The following PLPPR5 variants were observed in gnomAD, a reference collection of about 807,000 sequenced individuals.
PLPPR5 encodes phospholipid phosphatase-related protein type 5.
A neutral mutation model predicts 33.9 loss-of-function variants in PLPPR5; 16 were observed. That is an observed-to-expected ratio of 0.47 (90% CI 0.32 to 0.72). The LOEUF is 0.72. PLPPR5 is among the 30% of genes least tolerant of loss of function. The pLI is 0.03. For missense variants in PLPPR5, 301 were observed against 406.7 expected (o/e 0.74, Z 2.23); for synonymous variants, 163 against 150.3 (o/e 1.08, Z -0.62).
At chr1:98,993,547 G>A (rs1652531708) in intron 1 of PLPPR5, among the ~76,000 whole-genome samples, 1 of 152,026 alleles carries the variant, frequency 6.6e-6, no homozygotes, top group South Asian at 2.1e-4. Flanking sequence ...ACACTGTGAA[G>A]ACACATGTGA....
chr1:98,999,021 CATT>C (rs1474019630), intron 1 of PLPPR5, among the ~76,000 whole-genome samples: 14 of 152,120 alleles, frequency 9.2e-5, no homozygotes, highest in Admixed American at 9.2e-4. Flanking sequence ...AGATAGGAAT[CATT>C]AATTTCATTC....
chr1:98,950,795 C>T (rs1303479954), intron 3 of PLPPR5, among the ~76,000 whole-genome samples: 2 of 152,118 alleles, frequency 1.3e-5, no homozygotes, highest in African/African-American at 2.4e-5. Flanking sequence ...GAGATTCTCC[C>T]GTCTTGGCCT....
At chr1:98,907,614 A>T (rs2101143192) in intron 5 of PLPPR5, among the ~76,000 whole-genome samples, 1 of 152,328 alleles carries the variant, frequency 6.6e-6, no homozygotes, top group South Asian at 2.1e-4. Context: ...GAAATAGGAC[A>T]GATTTAGCTC....
chr1:98,939,700 G>A (rs1466646360), intron 3 of PLPPR5, among the ~76,000 whole-genome samples: 1 of 151,954 alleles, frequency 6.6e-6, no homozygotes, highest in Non-Finnish European at 1.5e-5. Flanking sequence ...AGTGCAGGTG[G>A]AGGCATGGAG....
intron 1 of PLPPR5, among the ~76,000 whole-genome samples, chr1:98,960,824 G>A (rs1651217248): frequency 6.6e-6 from 1 of 152,078 alleles, no homozygotes; most frequent in African/African-American, 2.4e-5. Context: ...CACACAGATG[G>A]CCCCGGCTGC....
At chr1:98,971,374 A>G (rs1040741138) in intron 1 of PLPPR5, among the ~76,000 whole-genome samples, 4 of 152,084 alleles carry the variant, frequency 2.6e-5, no homozygotes, top group Non-Finnish European at 5.9e-5. Context: ...GTGGTATGTA[A>G]GCTTTCCTAT....
Position 98,893,063 on chromosome 1 carries a change from G to A in PLPPR5, c.*9C>T, listed in dbSNP as rs754781512. On this transcript the variant is annotated 3_prime_UTR_variant, in exon 6 of 6. Coordinates refer to ENST00000263177, the MANE Select transcript of PLPPR5 (RefSeq NM_001037317.2). ...TGTCCAATGCAGTGAAAAACCATCT[G>A]CTTCGATATCATGTGACTTCTGCGA... 2 of 1,610,868 alleles carry A rather than the reference G, an allele frequency of 1.2e-6. No homozygotes were observed. Among genetic ancestry groups the A allele is most frequent in the Non-Finnish European group, 1.7e-6 (2 of 1,178,112 alleles).
At chr1:98,987,287 T>G (rs1353364611) in intron 1 of PLPPR5, among the ~76,000 whole-genome samples, 1 of 151,870 alleles carries the variant, frequency 6.6e-6, no homozygotes, top group Non-Finnish European at 1.5e-5. Context: ...TTATTTGATA[T>G]GTTAAATTAT....
At chr1:98,989,598 C>T (rs1652379299) in intron 1 of PLPPR5, among the ~76,000 whole-genome samples, 1 of 152,078 alleles carries the variant, frequency 6.6e-6, no homozygotes, top group Non-Finnish European at 1.5e-5. Flanking sequence ...CTGCACTAGG[C>T]CTAAGGAACC....
intron 1 of PLPPR5, among the ~76,000 whole-genome samples, chr1:98,963,449 T>C (rs969311554): frequency 1.3e-5 from 2 of 152,216 alleles, no homozygotes; most frequent in South Asian, 2.1e-4. Context: ...TGACAATAAA[T>C]ATGAATACTG....
At chr1:98,903,654 T>C (rs943770999) in intron 5 of PLPPR5, among the ~76,000 whole-genome samples, 2 of 152,092 alleles carry the variant, frequency 1.3e-5, no homozygotes, top group Non-Finnish European at 2.9e-5. Context: ...AAAAATCCCA[T>C]TAAAGAAATG....
chr1:98,903,630 G>A (rs1648783046), intron 5 of PLPPR5, among the ~76,000 whole-genome samples: 1 of 151,918 alleles, frequency 6.6e-6, no homozygotes, highest in Non-Finnish European at 1.5e-5. Flanking sequence ...GTATCCTAGT[G>A]TGAAATTAAA....
chr1:98,912,586 T>C (rs141950846), intron 5 of PLPPR5, among the ~76,000 whole-genome samples: 379 of 152,304 alleles, frequency 2.5e-3, no homozygotes, highest in African/African-American at 8.7e-3. Flanking sequence ...TCCATTTGTC[T>C]AAACTTGGTC....
At chr1:98,973,689 A>G (rs1570746579) in intron 1 of PLPPR5, among the ~76,000 whole-genome samples, 1 of 152,020 alleles carries the variant, frequency 6.6e-6, no homozygotes, top group African/African-American at 2.4e-5. Context: ...ATTATAGTGC[A>G]AAGAAGAATA....
At chr1:98,980,271 G>A (rs1426437283) in intron 1 of PLPPR5, among the ~76,000 whole-genome samples, 4 of 151,986 alleles carry the variant, frequency 2.6e-5, no homozygotes, top group Admixed American at 2.6e-4. Flanking sequence ...TAACATGACT[G>A]CTTTTACCTG....
intron 3 of PLPPR5, among the ~76,000 whole-genome samples, chr1:98,946,814 G>T (rs900234940): frequency 6.6e-6 from 1 of 152,114 alleles, no homozygotes; most frequent in Non-Finnish European, 1.5e-5. Context: ...TTTGAAGGAC[G>T]CGTGAAAATA....
chr1:98,897,173 T>C lies in PLPPR5; in HGVS notation c.934-4069A>G, dbSNP rs745949627. ...ATTGCTTTTGGTTGTAAGGAAAACCTGCACAGAAGGACACATTTTTCTGTA... is the reference window on the plus strand; with the variant it reads ...ATTGCTTTTGGTTGTAAGGAAAACCCGCACAGAAGGACACATTTTTCTGTA... On this transcript the variant is annotated intron_variant, in intron 5 of 5. Coordinates refer to ENST00000263177, the MANE Select transcript of PLPPR5 (RefSeq NM_001037317.2). 5.8e-4 allele frequency among the ~76,000 whole-genome samples: 89 copies of C among 152,212 alleles called. 1 individual carries two copies. The highest frequency in any genetic ancestry group is 1.8e-4 in the Non-Finnish European group (12 of 68,030).
At chr1:98,998,157 AATCAGT>A (rs1652693341) in intron 1 of PLPPR5, among the ~76,000 whole-genome samples, 1 of 152,094 alleles carries the variant, frequency 6.6e-6, no homozygotes, top group African/African-American at 2.4e-5. Context: ...AAGGGAGAAA[AATCAGT>A]ATGAGTGAAA....
intron 1 of PLPPR5, among the ~76,000 whole-genome samples, chr1:98,996,101 C>A (rs932935925): frequency 6.6e-6 from 1 of 151,926 alleles, no homozygotes; most frequent in South Asian, 2.1e-4. Flanking sequence ...CTGACAGAGT[C>A]CAAGAGACCT....
Sources: allele counts gnomAD v4.1 joint callset (sites outside exome capture counted in the v4.1 genomes callset), GRCh38; gene constraint gnomAD v4.1.1; transcripts MANE v1.5; gene names NCBI Gene and HGNC (gene_info 2026-07-23, HGNC 2026-07-21).